PRPSAP2: variants seen among roughly 807,000 people sequenced by gnomAD.
The protein encoded by PRPSAP2 is phosphoribosyl pyrophosphate synthetase associated protein 2, also known as phosphoribosyl pyrophosphate synthase-associated protein 2.
Under a neutral mutation model 40.6 loss-of-function variants are expected in PRPSAP2, and 24 were observed. That is an observed-to-expected ratio of 0.59 (90% CI 0.43 to 0.83). The LOEUF (loss-of-function observed/expected upper bound fraction) is 0.83. PRPSAP2 is among the 40% of genes least tolerant of loss of function. The pLI is 0.00. For synonymous variants in PRPSAP2, 149 were observed against 164.7 expected, an observed-to-expected ratio of 0.90 and a Z score of 0.73; for missense variants, 292 against 465.6, an observed-to-expected ratio of 0.63 and a Z score of 3.43.
At position 18,928,924 on chromosome 17, in the gene PRPSAP2, C is replaced by T. The variant is rs778345713; in HGVS notation, c.918C>T (p.Ala306=). Residue 306 remains alanine (A), a synonymous_variant, in exon 11 of 12, where the codon GCC becomes GCT. Transcript: ENST00000268835. The part of the protein sequence containing the change: ...MATHGLLSSD[A]PRRIEESAID... The stretch of plus-strand genomic sequence containing the variant: ...CTCATGGCTTGTTGTCTTCTGACGC[C>T]CCCCGGCGGATTGAAGAGTCTGCCA... 6 of 1,614,002 alleles carry T rather than the reference C, an allele frequency of 3.7e-6. No individual in the cohort carries two copies. Among genetic ancestry groups the T allele is most frequent in the Non-Finnish European group, 4.2e-6 (5 of 1,179,916 alleles).
chr17:18,887,702 T>C (rs2151918424), intron 7 of PRPSAP2, among the ~76,000 whole-genome samples: 1 of 152,334 alleles, frequency 6.6e-6, no homozygotes, highest in African/African-American at 2.4e-5. Context: ...ATTCCTTGTC[T>C]TGATCTTCCC....
Position 18,889,873 on chromosome 17 carries a change from A to ACC in PRPSAP2, c.580_581insCC (p.Lys194ThrfsTer17). The ACC allele has an allele frequency of 6.2e-7, 1 of 1,611,344 alleles. No individual in the cohort carries two copies. Among genetic ancestry groups the ACC allele is most frequent in the Admixed American group, 1.7e-5 (1 of 59,666 alleles). On this transcript the variant is annotated frameshift_variant, in exon 8 of 12. Coordinates refer to ENST00000268835, the MANE Select transcript of PRPSAP2 (RefSeq NM_002767.4). LOFTEE classifies it high-confidence loss of function. Reference sequence around the variant, plus strand: ...CGTGGCCAAGTCTCCAGCCTCGGCGAAGAGGTAGGTGGGAATCTCACAACC... The same window carrying ACC: ...CGTGGCCAAGTCTCCAGCCTCGGCGACCAGAGGTAGGTGGGAATCTCACAACC...
At chr17:18,926,611 T>C (rs770933956) in intron 10 of PRPSAP2, among the ~76,000 whole-genome samples, 29 of 152,168 alleles carry the variant, frequency 1.9e-4, no homozygotes, top group Non-Finnish European at 2.1e-4. Context: ...GAAGTAATTA[T>C]AGATCCACAG....
At chr17:18,904,072 G>C (rs1211396568) in intron 8 of PRPSAP2, among the ~76,000 whole-genome samples, 1 of 152,136 alleles carries the variant, frequency 6.6e-6, no homozygotes, top group Non-Finnish European at 1.5e-5. Flanking sequence ...TCCAAGACTT[G>C]GGCTTCCACT....
chr17:18,907,766 A>G (rs1429920802), intron 8 of PRPSAP2, among the ~76,000 whole-genome samples: 2 of 152,258 alleles, frequency 1.3e-5, no homozygotes, highest in South Asian at 2.1e-4. Flanking sequence ...TAGTAACTAA[A>G]TAACATACTT....
At chr17:18,928,727 G>A in intron 10 of PRPSAP2, 84 bp from the exon 11 acceptor site, 3 of 1,570,442 alleles carry the variant, frequency 1.9e-6, no homozygotes, top group East Asian at 2.3e-5. Context: ...GGTAAATGTA[G>A]GCAGACCCTT....
At chr17:18,897,341 T>C (rs1273506914) in intron 8 of PRPSAP2, among the ~76,000 whole-genome samples, 3 of 152,186 alleles carry the variant, frequency 2.0e-5, no homozygotes, top group Non-Finnish European at 4.4e-5. Context: ...CTTCCACAGT[T>C]ATGTAAAAGT....
At chr17:18,877,281 C>T (rs949751719) in intron 5 of PRPSAP2, among the ~76,000 whole-genome samples, 4 of 152,020 alleles carry the variant, frequency 2.6e-5, no homozygotes, top group East Asian at 3.8e-4. Context: ...GGTTATGAGT[C>T]GTGTTAATGG....
intron 9 of PRPSAP2, among the ~76,000 whole-genome samples, chr17:18,915,934 C>G (rs1477963200): frequency 6.6e-6 from 1 of 151,972 alleles, no homozygotes; most frequent in Non-Finnish European, 1.5e-5. Flanking sequence ...GTTCTCCTGC[C>G]TCAGCCTCCC....
At chr17:18,857,108 C>T (rs534639048), upstream of PRPSAP2, among the ~76,000 whole-genome samples, 13 of 152,058 alleles carry the variant, frequency 8.5e-5, no homozygotes, top group South Asian at 6.2e-4. Flanking sequence ...CGGAGGCGGG[C>T]GGATCACTTG....
At position 18,872,546 on chromosome 17, in the gene PRPSAP2, A is replaced by G. The variant is rs770408124; in HGVS notation, c.173-37A>G. The G allele has an allele frequency of 9.4e-6, 14 of 1,482,798 alleles. No homozygotes were observed. The African/African-American group carries it at 2.0e-4, about 21-fold the overall frequency. The allele number at this position is 1,482,798 out of a possible 1,614,324, so 91.9% of individuals were successfully genotyped here. A position where few individuals can be genotyped will look rare whatever the true frequency, so the allele number is the denominator to read the frequency against. ...GTGTATTTTGAAAAATTTGAACTAT[A>G]TGCCTTTCCCTCTCTTCTTTTTCCT... On this transcript the variant is annotated intron_variant, in intron 4 of 11. Transcript: ENST00000268835.
At chr17:18,914,729 CTTT>C (rs35061539) in intron 9 of PRPSAP2, among the ~76,000 whole-genome samples, 1 of 143,806 alleles carries the variant, frequency 7.0e-6, no homozygotes, top group Non-Finnish European at 1.5e-5. Flanking sequence ...TTTCACTGCC[CTTT>C]TTTTTTTTTT....
chr17:18,909,376 G>C (rs1164223222), intron 8 of PRPSAP2, among the ~76,000 whole-genome samples: 2 of 151,820 alleles, frequency 1.3e-5, no homozygotes, highest in Non-Finnish European at 2.9e-5. Flanking sequence ...TGAGTAGCTG[G>C]GATTACAGGT....
At chr17:18,900,808 A>G (rs1055577483) in intron 8 of PRPSAP2, among the ~76,000 whole-genome samples, 2 of 151,942 alleles carry the variant, frequency 1.3e-5, no homozygotes, top group Non-Finnish European at 2.9e-5. Flanking sequence ...CATCATTCTC[A>G]TTGGGTGGTG....
chr17:18,889,776 C>T lies in PRPSAP2; in HGVS notation c.529-46C>T, dbSNP rs552857844. On this transcript the variant is annotated intron_variant, in intron 7 of 11. Transcript: ENST00000268835. Reference sequence around the variant, plus strand: ...GCATTTTTGGGTCTGTTGGAATTTTCCTTTTTGTTGACATGCAGTAATACC... The same window carrying T: ...GCATTTTTGGGTCTGTTGGAATTTTTCTTTTTGTTGACATGCAGTAATACC... 47 of 1,477,478 alleles carry T rather than the reference C, an allele frequency of 3.2e-5. 1 individual carries two copies. In the South Asian group the frequency reaches 5.4e-4, roughly 17 times the overall value. 91.5% of individuals were successfully genotyped at this position (1,477,478 alleles called of 1,614,324 possible).
chr17:18,923,878 A>T (rs2041829637), intron 9 of PRPSAP2, 36 bp from the exon 10 acceptor site: 1 of 1,545,430 alleles, frequency 6.5e-7, no homozygotes, highest in South Asian at 1.2e-5. Context: ...ACTTTTTAAT[A>T]TAAAAATTTT....
rs1409289579 is a variant in PRPSAP2 at position 18,911,018 on chromosome 17, T to C, written c.585-85T>C. ...CCTTTGGGAGACAACATTCTACTTA[T>C]GTTCTCTTAATGTTTTGTCCCCTAG... is the stretch of plus-strand genomic sequence containing the variant. On this transcript the variant is annotated intron_variant, in intron 8 of 11. Coordinates refer to ENST00000268835, the MANE Select transcript of PRPSAP2 (RefSeq NM_002767.4). This position sits in a 1 kb window ranked among gnomAD's most constrained non-coding sequence, Gnocchi z 4.5. The C allele has an allele frequency of 1.2e-5, 17 of 1,408,656 alleles. No individual in the cohort carries two copies. Among genetic ancestry groups the C allele is most frequent in the African/African-American group, 2.9e-5 (2 of 69,798 alleles). The allele number at this position is 1,408,656 out of a possible 1,614,324, so 87.3% of individuals were successfully genotyped here. A position where few individuals can be genotyped will look rare whatever the true frequency, so the allele number is the denominator to read the frequency against.
In PRPSAP2 at chr17:18,911,353, G is replaced by A. The variant is rs901043438; in HGVS notation, c.733+102G>A. On this transcript the variant is annotated intron_variant, in intron 9 of 11. Transcript: ENST00000268835. This position sits in a 1 kb window ranked among gnomAD's most constrained non-coding sequence, Gnocchi z 4.5. Reference sequence around the variant, plus strand: ...CCTCATTCTTCGTTTTTTTTTAGTTGGCAAAAACTCATTAACACCTTTCTT... The same window carrying A: ...CCTCATTCTTCGTTTTTTTTTAGTTAGCAAAAACTCATTAACACCTTTCTT... The A allele has an allele frequency of 9.0e-6, 11 of 1,223,482 alleles. No homozygotes were observed. In the Admixed American group the frequency reaches 1.8e-4, roughly 20 times the overall value. 75.8% of individuals were successfully genotyped at this position (1,223,482 alleles called of 1,614,324 possible).
At chr17:18,909,984 G>T (rs533081635) in intron 8 of PRPSAP2, among the ~76,000 whole-genome samples, 1 of 152,244 alleles carries the variant, frequency 6.6e-6, no homozygotes, top group African/African-American at 2.4e-5. Context: ...CCAAAAACTA[G>T]AAACAACCGG....
Sources: allele counts gnomAD v4.1 joint callset (sites outside exome capture counted in the v4.1 genomes callset), GRCh38; gene constraint gnomAD v4.1.1; non-coding constraint Gnocchi (gnomAD v3.1); transcripts MANE v1.5; gene names NCBI Gene and HGNC (gene_info 2026-07-23, HGNC 2026-07-21).